ATF6: variants seen among roughly 807,000 people sequenced by gnomAD.
ATF6 encodes the protein cyclic AMP-dependent transcription factor ATF-6 alpha.
Under a neutral mutation model 83.6 loss-of-function variants are expected in ATF6, and 53 were observed. That is an observed-to-expected ratio of 0.63 (90% CI 0.51 to 0.80). The LOEUF (loss-of-function observed/expected upper bound fraction) is 0.80, where lower values mean the gene tolerates loss of function less well. ATF6 is among the 30% of genes least tolerant of loss of function. The pLI is 0.00. For missense variants in ATF6, 744 were observed against 797.9 expected (o/e 0.93, Z 0.81); for synonymous variants, 288 against 285.8 (o/e 1.01, Z -0.08).
intron 15 of ATF6, among the ~76,000 whole-genome samples, chr1:161,940,779 G>A (rs1688626478): frequency 6.6e-6 from 1 of 152,014 alleles, no homozygotes; most frequent in Non-Finnish European, 1.5e-5. Flanking sequence ...GGCCAGGATG[G>A]CCTCGATCTC....
rs1462392497 is a variant in ATF6, at chr1:161,934,086, A to T, written c.1804+21706A>T. ...TGTACGTAAACAGGCTGGATTAGAC[A>T]TGGATGAGTGGGGGCCACAATTAGG... On this transcript the variant is annotated intron_variant, in intron 15 of 15. Transcript: ENST00000367942. Among the ~76,000 whole-genome samples the T allele has an allele frequency of 3.3e-5, 5 of 152,348 alleles. No homozygotes were observed. The East Asian group carries it at 9.6e-4, about 29-fold the overall frequency.
At chr1:161,827,868 A>G (rs1685941917) in intron 9 of ATF6, among the ~76,000 whole-genome samples, 3 of 152,146 alleles carry the variant, frequency 2.0e-5, no homozygotes, top group Admixed American at 2.0e-4. Context: ...TATAAGGGTT[A>G]ATTTTTCTGA....
At chr1:161,773,140 A>ATTTTTTTTTTTTTTTTTTTTTT (rs759769528) in intron 1 of ATF6, among the ~76,000 whole-genome samples, 4 of 130,074 alleles carry the variant, frequency 3.1e-5, no homozygotes, top group African/African-American at 5.8e-5. Context: ...TACTTTTTGT[A>ATTTTTTTTTTTTTTTTTTTTTT]TTTTTTTTTT....
At chr1:161,852,196 C>T (rs750159664) in intron 11 of ATF6, among the ~76,000 whole-genome samples, 20 of 152,028 alleles carry the variant, frequency 1.3e-4, no homozygotes, top group Non-Finnish European at 2.6e-4. Context: ...GATACTTTAC[C>T]GTTAGTACAC....
At chr1:161,828,616 C>G (rs1254354149) in intron 9 of ATF6, among the ~76,000 whole-genome samples, 1 of 152,170 alleles carries the variant, frequency 6.6e-6, no homozygotes, top group African/African-American at 2.4e-5. Context: ...CTCAGGGAGA[C>G]TGTTATTAAG....
At chr1:161,827,139 G>T (rs1205721121) in intron 9 of ATF6, among the ~76,000 whole-genome samples, 1 of 151,984 alleles carries the variant, frequency 6.6e-6, no homozygotes, top group Non-Finnish European at 1.5e-5. Context: ...CACCATGTTG[G>T]TCAGGCTGGT....
chr1:161,908,977 C>T (rs1263920302), intron 14 of ATF6, among the ~76,000 whole-genome samples: 1 of 152,062 alleles, frequency 6.6e-6, no homozygotes, highest in South Asian at 2.1e-4. Flanking sequence ...AATAACAGTC[C>T]TGTCCTTAAT....
intron 15 of ATF6, among the ~76,000 whole-genome samples, chr1:161,945,950 C>A (rs191446912): frequency 6.6e-6 from 1 of 152,114 alleles, no homozygotes; most frequent in African/African-American, 2.4e-5. Context: ...TAAGTACTTA[C>A]GTAAGATGCT....
At chr1:161,854,007 G>C (rs1409215349) in intron 12 of ATF6, among the ~76,000 whole-genome samples, 1 of 152,084 alleles carries the variant, frequency 6.6e-6, no homozygotes, top group Admixed American at 6.6e-5. Flanking sequence ...TAAACAATAA[G>C]CAAATAAATA....
At chr1:161,781,590 G>T (rs1029520873) in intron 2 of ATF6, among the ~76,000 whole-genome samples, 1 of 152,070 alleles carries the variant, frequency 6.6e-6, no homozygotes, top group Non-Finnish European at 1.5e-5. Context: ...GTATTTTGCT[G>T]GATTTCCCTT....
At chr1:161,851,164 A>ACACACC (rs1300150182) in intron 10 of ATF6, among the ~76,000 whole-genome samples, 3 of 147,952 alleles carry the variant, frequency 2.0e-5, no homozygotes, top group Non-Finnish European at 4.5e-5. Context: ...ACACACACAC[A>ACACACC]CACACACCCC....
intron 9 of ATF6, among the ~76,000 whole-genome samples, chr1:161,843,533 T>G (rs1226214937): frequency 6.6e-6 from 1 of 152,192 alleles, no homozygotes; most frequent in Non-Finnish European, 1.5e-5. Flanking sequence ...CTGACTTTCT[T>G]AGTTATTTAG....
Position 161,863,013 on chromosome 1 carries a change from T to G in ATF6, c.1605-185T>G, listed in dbSNP as rs555214187. On this transcript the variant is annotated intron_variant, in intron 13 of 15. Transcript: ENST00000367942. ...CAGAATTTTAGCATAAGTGAATGGG[T>G]TCTTATAAAATATCCTGATCCTTGG... Among the ~76,000 whole-genome samples, 187 of 152,294 alleles carry G rather than the reference T, an allele frequency of 1.2e-3. 1 individual carries two copies. Among genetic ancestry groups the G allele is most frequent in the African/African-American group, 4.4e-3 (181 of 41,568 alleles).
chr1:161,935,140 ATCC>A (rs1387514615), intron 15 of ATF6, among the ~76,000 whole-genome samples: 1 of 152,196 alleles, frequency 6.6e-6, no homozygotes, highest in African/African-American at 2.4e-5. Flanking sequence ...GAATGCCCTA[ATCC>A]TCTTTACACA....
chr1:161,815,177 C>T (rs1009252992), intron 7 of ATF6, among the ~76,000 whole-genome samples: 3 of 147,892 alleles, frequency 2.0e-5, no homozygotes, highest in African/African-American at 7.5e-5. Context: ...ATAAAAATCC[C>T]ATTTTAATTT....
chr1:161,783,658 A>C (rs569752674), intron 3 of ATF6, among the ~76,000 whole-genome samples: 1 of 151,922 alleles, frequency 6.6e-6, no homozygotes, highest in Non-Finnish European at 1.5e-5. Context: ...CTCAGCCAAC[A>C]AGTTCTATTT....
At chr1:161,877,662 A>T (rs907574116) in intron 14 of ATF6, among the ~76,000 whole-genome samples, 1 of 152,126 alleles carries the variant, frequency 6.6e-6, no homozygotes. Flanking sequence ...GCAGAATAAC[A>T]CGAATGATTT....
chr1:161,791,150 T>C (rs1434224835), intron 4 of ATF6, among the ~76,000 whole-genome samples: 2 of 151,470 alleles, frequency 1.3e-5, no homozygotes, highest in African/African-American at 2.4e-5. Context: ...TAGGAAGAAA[T>C]GTAGCAACAG....
intron 7 of ATF6, among the ~76,000 whole-genome samples, chr1:161,808,751 G>A (rs1441533995): frequency 2.0e-5 from 3 of 149,500 alleles, no homozygotes; most frequent in African/African-American, 5.0e-5. Flanking sequence ...TTTTGTTTTT[G>A]TAGAGATGGG....
Sources: gnomAD v4.1 joint callset for allele counts (sites outside exome capture counted in the v4.1 genomes callset) on GRCh38, gnomAD v4.1.1 for gene constraint, MANE v1.5 for transcripts, NCBI Gene and HGNC (gene_info 2026-07-23, HGNC 2026-07-21) for gene names.